ETV6: variants seen among roughly 807,000 people sequenced by gnomAD.
ETV6 encodes the protein transcription factor ETV6.
Under a neutral mutation model 51.1 loss-of-function variants are expected in ETV6, and 16 were observed. The observed-to-expected ratio is 0.31, with a 90% confidence interval of 0.21 to 0.48. The LOEUF (loss-of-function observed/expected upper bound fraction) is 0.48, where lower values mean the gene tolerates loss of function less well. ETV6 is among the 20% of genes least tolerant of loss of function. ETV6 has a pLI of 0.99. For missense variants in ETV6, 458 were observed against 594.8 expected, an observed-to-expected ratio of 0.77 and a Z score of 2.39; for synonymous variants, 240 against 224.1, an observed-to-expected ratio of 1.07 and a Z score of -0.64.
intron 1 of ETV6, among the ~76,000 whole-genome samples, chr12:11,703,361 A>C (rs1865018242): frequency 6.6e-6 from 1 of 152,224 alleles, no homozygotes; most frequent in Non-Finnish European, 1.5e-5. Context: ...GTATAAATAT[A>C]GAAGATGAAG....
intron 1 of ETV6, among the ~76,000 whole-genome samples, chr12:11,696,136 C>T (rs1864874822): frequency 1.3e-5 from 2 of 152,162 alleles, no homozygotes; most frequent in Admixed American, 1.3e-4. Context: ...CAGGAGAAAC[C>T]TCAGTGATGA....
intron 2 of ETV6, among the ~76,000 whole-genome samples, chr12:11,831,146 C>A (rs895344891): frequency 6.6e-6 from 1 of 151,978 alleles, no homozygotes; most frequent in African/African-American, 2.4e-5. Flanking sequence ...ACTGATGAGG[C>A]GATATTGGGG....
At chr12:11,850,105 A>G (rs1160276407) in intron 3 of ETV6, among the ~76,000 whole-genome samples, 1 of 152,078 alleles carries the variant, frequency 6.6e-6, no homozygotes, top group Non-Finnish European at 1.5e-5. Flanking sequence ...CGCCTCATGG[A>G]TAGCATTTAA....
At chr12:11,730,777 T>G (rs1865580031) in intron 1 of ETV6, among the ~76,000 whole-genome samples, 1 of 152,218 alleles carries the variant, frequency 6.6e-6, no homozygotes, top group Non-Finnish European at 1.5e-5. Context: ...AGTAGAGGAA[T>G]GGAAGACTTT....
intron 1 of ETV6, among the ~76,000 whole-genome samples, chr12:11,710,107 G>T (rs1002101182): frequency 2.6e-5 from 4 of 152,184 alleles, no homozygotes; most frequent in Non-Finnish European, 5.9e-5. Flanking sequence ...GCATTTGGAT[G>T]ATTCTGGCCT....
chr12:11,815,702 C>A (rs1279654042), intron 2 of ETV6, among the ~76,000 whole-genome samples: 1 of 152,170 alleles, frequency 6.6e-6, no homozygotes, highest in Non-Finnish European at 1.5e-5. Flanking sequence ...TAATTTGGCT[C>A]AGGGCAGAAA....
At chr12:11,789,278 C>T (rs968509640) in intron 2 of ETV6, among the ~76,000 whole-genome samples, 8 of 152,062 alleles carry the variant, frequency 5.3e-5, no homozygotes, top group Non-Finnish European at 8.8e-5. Context: ...ACGATTCGCC[C>T]GCCTCAGCCT....
intron 1 of ETV6, among the ~76,000 whole-genome samples, chr12:11,699,838 G>A (rs558520902): frequency 2.9e-4 from 44 of 152,176 alleles, no homozygotes; most frequent in Non-Finnish European, 5.3e-4. Context: ...TCACTAGGGA[G>A]GATGCAAAGG....
chr12:11,894,232 A>C lies in ETV6; in HGVS notation c.*3186A>C, dbSNP rs2136627311. ...AACACTAAGTACTAGGGGTGTTGTCAGGAGACAAATCTGAAGTCAGGAGAG... is the reference window on the plus strand; with the variant it reads ...AACACTAAGTACTAGGGGTGTTGTCCGGAGACAAATCTGAAGTCAGGAGAG... On this transcript the variant is annotated 3_prime_UTR_variant, in exon 8 of 8. Transcript: ENST00000396373. The C allele has an allele frequency of 4.3e-6, 1 of 232,572 alleles. No individual in the cohort carries two copies. Among genetic ancestry groups the C allele is most frequent in the East Asian group, 6.1e-5 (1 of 16,506 alleles). The allele number at this position is 232,572 out of a possible 1,614,324, so 14.4% of individuals were successfully genotyped here.
intron 2 of ETV6, among the ~76,000 whole-genome samples, chr12:11,825,247 T>A (rs1230260327): frequency 3.3e-5 from 5 of 152,070 alleles, no homozygotes; most frequent in Non-Finnish European, 7.4e-5. Flanking sequence ...ATTTCAGAAA[T>A]GAAGAGTTAA....
At chr12:11,864,193 G>C (rs1187316154) in intron 4 of ETV6, among the ~76,000 whole-genome samples, 1 of 152,054 alleles carries the variant, frequency 6.6e-6, no homozygotes, top group Admixed American at 6.5e-5. Flanking sequence ...CTTTACCCTT[G>C]GCATGAAAGT....
At chr12:11,794,547 TACTC>T (rs1286534181) in intron 2 of ETV6, among the ~76,000 whole-genome samples, 9 of 152,208 alleles carry the variant, frequency 5.9e-5, no homozygotes, top group Non-Finnish European at 8.8e-5. Context: ...AAGGGAGAGA[TACTC>T]AGTGAGCAGA....
intron 2 of ETV6, among the ~76,000 whole-genome samples, chr12:11,787,189 T>C (rs1412766065): frequency 6.6e-6 from 1 of 152,198 alleles, no homozygotes; most frequent in Non-Finnish European, 1.5e-5. Context: ...AATGTGAAAA[T>C]GGATCAGTTA....
chr12:11,695,842 G>A (rs961919481), intron 1 of ETV6, among the ~76,000 whole-genome samples: 22 of 152,144 alleles, frequency 1.4e-4, no homozygotes, highest in African/African-American at 4.3e-4. Flanking sequence ...AGTCTCATGC[G>A]GTCAGCAGCG....
chr12:11,858,889 A>G (rs942013583), intron 4 of ETV6, among the ~76,000 whole-genome samples: 6 of 152,256 alleles, frequency 3.9e-5, no homozygotes, highest in African/African-American at 1.2e-4. Context: ...CAACTAGCAC[A>G]TGGGAATGGC....
intron 2 of ETV6, among the ~76,000 whole-genome samples, chr12:11,815,140 G>C (rs745500259): frequency 6.6e-6 from 1 of 152,096 alleles, no homozygotes; most frequent in Non-Finnish European, 1.5e-5. Flanking sequence ...ATGTTTTATA[G>C]TCATGTCGAA....
chr12:11,851,609 A>G (rs895786821), intron 3 of ETV6, among the ~76,000 whole-genome samples: 1 of 152,234 alleles, frequency 6.6e-6, no homozygotes, highest in Non-Finnish European at 1.5e-5. Flanking sequence ...AGTCTGGTCC[A>G]GGACACCTCT....
chr12:11,841,614 G>A (rs1396042987), intron 3 of ETV6, among the ~76,000 whole-genome samples: 3 of 152,202 alleles, frequency 2.0e-5, no homozygotes, highest in African/African-American at 4.8e-5. Flanking sequence ...TTCATTCCAT[G>A]AGTATTCACC....
chr12:11,759,808 C>T (rs1341427647), intron 2 of ETV6, among the ~76,000 whole-genome samples: 1 of 152,162 alleles, frequency 6.6e-6, no homozygotes, highest in Non-Finnish European at 1.5e-5. Context: ...TTACTTCTCA[C>T]CTCCTCTGAT....
Sources: gnomAD v4.1 joint callset for allele counts (sites outside exome capture counted in the v4.1 genomes callset) on GRCh38, gnomAD v4.1.1 for gene constraint, MANE v1.5 for transcripts, NCBI Gene and HGNC (gene_info 2026-07-23, HGNC 2026-07-21) for gene names.